Variants in TOPAZ1 observed in about 807,000 individuals in gnomAD.
The protein encoded by TOPAZ1 is testis and ovary specific TOPAZ 1.
In TOPAZ1, 66 loss-of-function variants were observed where a neutral mutation model predicts 172.2. The ratio of observed to expected loss-of-function variants is 0.38; its 90% CI spans 0.31 to 0.47. The LOEUF is 0.47. TOPAZ1 is among the 20% of genes least tolerant of loss of function. The pLI is 0.99. For synonymous variants in TOPAZ1, 681 were observed against 683.9 expected (o/e 1.00, Z 0.07); for missense variants, 1,822 against 1,972.4 (o/e 0.92, Z 1.44).
At chr3:44,312,015 T>A (rs1700402251) in intron 16 of TOPAZ1, among the ~76,000 whole-genome samples, 1 of 152,146 alleles carries the variant, frequency 6.6e-6, no homozygotes, top group Non-Finnish European at 1.5e-5. Flanking sequence ...TCTAAGAATT[T>A]GTACTGCACA....
rs1371483702 is a variant in TOPAZ1, at chr3:44,267,096, T to C, written c.3120T>C (p.Ser1040=). 1.4e-5 allele frequency: 22 copies of C among 1,546,684 alleles called. No individual in the cohort carries two copies. Among genetic ancestry groups the C allele is most frequent in the Non-Finnish European group, 1.7e-5 (20 of 1,144,958 alleles). ...LCLLVPPLNL[S]GRQEDTILNT... The stretch of plus-strand genomic sequence containing the variant: ...TATTAGTACCTCCTTTGAATCTAAG[T>C]GGTCGTCAAGAAGACACAATACTGA... Residue 1040 remains serine (S), a synonymous_variant, in exon 6 of 20, where the codon AGT becomes AGC. Transcript: ENST00000309765.
intron 12 of TOPAZ1, among the ~76,000 whole-genome samples, chr3:44,303,479 C>CTTTTTTTTTTTTTTT (rs34565826): frequency 9.1e-6 from 1 of 109,944 alleles, no homozygotes; most frequent in Non-Finnish European, 1.8e-5. Context: ...TGCTTGCTTG[C>CTTTTTTTTTTTTTTT]TTTTTTTTTT....
chr3:44,242,991 T>A lies in TOPAZ1; in HGVS notation c.485T>A (p.Ile162Lys), dbSNP rs1575701643. ...ECLQSLGKES[I>K]IEGIKRRIRN... is the part of the protein sequence containing the mutation. ...TTGCAGTCTTTGGGTAAGGAAAGTA[T>A]AATAGAAGGTATTAAAAGAAGAATT... The change falls in exon 2 of 20, where the codon ATA becomes AAA. Residue 162 changes from isoleucine (I) to lysine (K), a missense_variant. Coordinates refer to ENST00000309765, the MANE Select transcript of TOPAZ1 (RefSeq NM_001145030.2). 7 of 1,549,664 alleles carry A rather than the reference T, an allele frequency of 4.5e-6. No individual in the cohort carries two copies. In the East Asian group the frequency reaches 1.7e-4, roughly 38 times the overall value.
rs1293595395 is a variant in TOPAZ1 at position 44,290,770 on chromosome 3, G to A, written c.3682-1G>A. 3.3e-6 allele frequency: 5 copies of A among 1,536,650 alleles called. No individual in the cohort carries two copies. The African/African-American group carries it at 6.9e-5, about 21-fold the overall frequency. Reference sequence around the variant, plus strand: ...ACCACTCTTTCTTTTCTCTTCTACAGCTTGTTGAAGCCGGGATGGTGCTTG... The same window carrying A: ...ACCACTCTTTCTTTTCTCTTCTACAACTTGTTGAAGCCGGGATGGTGCTTG... On this transcript the variant is annotated splice_acceptor_variant, in intron 11 of 19. Coordinates refer to ENST00000309765, the MANE Select transcript of TOPAZ1 (RefSeq NM_001145030.2). LOFTEE classifies it high-confidence loss of function.
chr3:44,313,803 G>A (rs1700423257), intron 16 of TOPAZ1, among the ~76,000 whole-genome samples: 1 of 152,022 alleles, frequency 6.6e-6, no homozygotes, highest in African/African-American at 2.4e-5. Context: ...GTACATTCCA[G>A]GTTATGCAAA....
intron 11 of TOPAZ1, among the ~76,000 whole-genome samples, chr3:44,289,340 T>C (rs1196738872): frequency 1.3e-5 from 2 of 152,170 alleles, no homozygotes; most frequent in Non-Finnish European, 2.9e-5. Flanking sequence ...TTTGTTAAGG[T>C]AGTGGATTGG....
At chr3:44,262,324 A>T (rs1261216353) in intron 4 of TOPAZ1, 95 bp from the exon 5 acceptor site, 3 of 518,622 alleles carry the variant, frequency 5.8e-6, no homozygotes, top group Non-Finnish European at 9.9e-6. Context: ...TTTAATTAAC[A>T]TCTAATACAT....
At chr3:44,294,591 T>C (rs1002002893) in intron 12 of TOPAZ1, among the ~76,000 whole-genome samples, 1 of 152,092 alleles carries the variant, frequency 6.6e-6, no homozygotes, top group Non-Finnish European at 1.5e-5. Flanking sequence ...AGCCTCAACC[T>C]CTTGGGCTCA....
At position 44,241,954 on chromosome 3, in the gene TOPAZ1, C is replaced by G; in HGVS notation, c.-100C>G. 8.7e-7 allele frequency: 1 copy of G among 1,144,352 alleles called. No individual in the cohort carries two copies. Among genetic ancestry groups the G allele is most frequent in the Non-Finnish European group, 1.2e-6 (1 of 817,104 alleles). 70.9% of individuals were successfully genotyped at this position (1,144,352 alleles called of 1,614,324 possible). A position where few individuals can be genotyped will look rare whatever the true frequency, so the allele number is the denominator to read the frequency against. Reference sequence around the variant, plus strand: ...TGGTGACTGGCGGTGTGGGGTGGGTCAGAGGGCAGTAGGTACCTCCAGGCG... The same window carrying G: ...TGGTGACTGGCGGTGTGGGGTGGGTGAGAGGGCAGTAGGTACCTCCAGGCG... On this transcript the variant is annotated 5_prime_UTR_variant, in exon 1 of 20. Coordinates refer to ENST00000309765, the MANE Select transcript of TOPAZ1 (RefSeq NM_001145030.2).
At chr3:44,298,909 ATTTTTTTT>A (rs1220596657) in intron 12 of TOPAZ1, among the ~76,000 whole-genome samples, 6 of 41,312 alleles carry the variant, frequency 1.5e-4, no homozygotes, top group African/African-American at 3.1e-4. Context: ...ATATATATAT[ATTTTTTTT>A]TTTTTTTTTT....
rs1223156826 is a variant in TOPAZ1 at position 44,242,147 on chromosome 3, G to C, written c.94G>C (p.Ala32Pro). 6.5e-7 allele frequency: 1 copy of C among 1,548,550 alleles called. No homozygotes were observed. Among genetic ancestry groups the C allele is most frequent in the East Asian group, 2.4e-5 (1 of 40,862 alleles). Residue 32 changes from alanine (A) to proline (P), a missense_variant, in exon 1 of 20, where the codon GCG (alanine) becomes CCG (proline). By Grantham distance (27) the Ala-to-Pro change is conservative. This residue lies in a region of TOPAZ1 where 1,489 missense variants were observed against 1,490.8 expected (regional missense o/e 1.00). Coordinates refer to ENST00000309765, the MANE Select transcript of TOPAZ1 (RefSeq NM_001145030.2). ...LQKRQAPGPG[A>P]AGGCGPEAGG... ...GAAGCGGCAGGCGCCAGGGCCAGGCGCGGCGGGAGGCTGTGGCCCTGAGGC... is the reference window on the plus strand; with the variant it reads ...GAAGCGGCAGGCGCCAGGGCCAGGCCCGGCGGGAGGCTGTGGCCCTGAGGC...
At chr3:44,305,945 G>A (rs1453595469) in intron 14 of TOPAZ1, among the ~76,000 whole-genome samples, 1 of 152,060 alleles carries the variant, frequency 6.6e-6, no homozygotes, top group East Asian at 1.9e-4. Flanking sequence ...CTGAATTTTT[G>A]AATTATTTAA....
intron 13 of TOPAZ1, among the ~76,000 whole-genome samples, chr3:44,304,416 G>A (rs1216750873): frequency 1.3e-5 from 2 of 152,182 alleles, no homozygotes; most frequent in Admixed American, 1.3e-4. Flanking sequence ...TGAGGTACTT[G>A]TCATGGATGG....
In TOPAZ1 at chr3:44,242,038, G is replaced by A. The variant is rs957663156; in HGVS notation, c.-16G>A. 7.2e-6 allele frequency: 11 copies of A among 1,538,276 alleles called. No individual in the cohort carries two copies. In the Admixed American group the frequency reaches 1.8e-4, roughly 25 times the overall value. ...AGCTGGTGCAGAGGGGCCCCAGCGG[G>A]CCGGCCCCGGGGCACATGCGACGAC... is the stretch of plus-strand genomic sequence containing the variant. On this transcript the variant is annotated 5_prime_UTR_variant, in exon 1 of 20. Coordinates refer to ENST00000309765, the MANE Select transcript of TOPAZ1 (RefSeq NM_001145030.2).
intron 12 of TOPAZ1, among the ~76,000 whole-genome samples, chr3:44,300,093 A>G (rs1422301009): frequency 6.6e-5 from 10 of 150,942 alleles, no homozygotes; most frequent in Admixed American, 4.6e-4. Context: ...CCTAAAACTT[A>G]AAGTATAATA....
At chr3:44,292,937 T>C (rs1700153809) in intron 12 of TOPAZ1, among the ~76,000 whole-genome samples, 1 of 152,190 alleles carries the variant, frequency 6.6e-6, no homozygotes, top group South Asian at 2.1e-4. Flanking sequence ...GAAAACTGTA[T>C]CTTTATACCC....
chr3:44,328,653 C>T (rs142949823), intron 19 of TOPAZ1, among the ~76,000 whole-genome samples: 5 of 152,096 alleles, frequency 3.3e-5, no homozygotes, highest in African/African-American at 4.8e-5. Flanking sequence ...TAGTAGCATT[C>T]GGTAAACACT....
chr3:44,243,561 A>T lies in TOPAZ1; in HGVS notation c.1055A>T (p.Glu352Val), dbSNP rs1271070092. Residue 352 changes from glutamate to valine, a missense_variant, in exon 2 of 20, where the codon GAG becomes GTG. Physicochemically the swap from Glu to Val is moderately radical, Grantham distance 121. This residue lies in a region of TOPAZ1 where 1,489 missense variants were observed against 1,490.8 expected (regional missense o/e 1.00). Transcript: ENST00000309765. Reference protein sequence around the residue: ...ETVTEMNFSNEYNKSELMLQE... With the variant: ...ETVTEMNFSNVYNKSELMLQE... ...GTTACTGAGATGAACTTCTCTAATG[A>T]GTATAACAAGTCTGAGTTGATGTTG... The T allele has an allele frequency of 6.4e-7, 1 of 1,551,254 alleles. No homozygotes were observed. The highest frequency in any genetic ancestry group is 2.0e-5 in the Admixed American group (1 of 50,994).
chr3:44,330,146 C>CA (rs1700650775), intron 19 of TOPAZ1, among the ~76,000 whole-genome samples: 1 of 152,028 alleles, frequency 6.6e-6, no homozygotes, highest in African/African-American at 2.4e-5. Flanking sequence ...GTTCCACCTT[C>CA]AAAAAAACCC....
Sources: gnomAD v4.1 joint callset for allele counts (sites outside exome capture counted in the v4.1 genomes callset) on GRCh38, gnomAD v4.1.1 for gene constraint, gnomAD v4.1.1 regional missense constraint, MANE v1.5 for transcripts, NCBI Gene and HGNC (gene_info 2026-07-23, HGNC 2026-07-21) for gene names.